KIF21A: variants seen among roughly 807,000 people sequenced by gnomAD.
KIF21A encodes the protein kinesin-like protein KIF21A.
A neutral mutation model predicts 202.9 loss-of-function variants in KIF21A; 114 were observed. The ratio of observed to expected loss-of-function variants is 0.56; its 90% confidence interval spans 0.48 to 0.66. KIF21A has a LOEUF of 0.66. Among genes scored for constraint, KIF21A ranks in the 30% least tolerant of loss-of-function variants. KIF21A has a pLI of 0.00. For synonymous variants in KIF21A, 667 were observed against 670.8 expected, an observed-to-expected ratio of 0.99 and a Z score of 0.09; for missense variants, 1,677 against 1,994.9, an observed-to-expected ratio of 0.84 and a Z score of 3.04.
intron 1 of KIF21A, among the ~76,000 whole-genome samples, chr12:39,418,106 G>A (rs554574818): frequency 2.8e-4 from 43 of 151,592 alleles, no homozygotes; most frequent in Admixed American, 3.9e-4. Flanking sequence ...TACTCATGGC[G>A]CTAAGGCAGG....
At chr12:39,376,844 G>A (rs894265170) in intron 1 of KIF21A, among the ~76,000 whole-genome samples, 1 of 152,064 alleles carries the variant, frequency 6.6e-6, no homozygotes, top group African/African-American at 2.4e-5. Flanking sequence ...CAAGGGATAA[G>A]CCTTTCTTTT....
At chr12:39,318,787 T>C (rs1944864676) in intron 28 of KIF21A, among the ~76,000 whole-genome samples, 1 of 152,116 alleles carries the variant, frequency 6.6e-6, no homozygotes, top group African/African-American at 2.4e-5. Flanking sequence ...GAGAGCATCC[T>C]GGCTAACATG....
At chr12:39,322,943 A>T (rs1482480732) in intron 26 of KIF21A, 61 bp from the exon 27 acceptor site, 1 of 1,267,882 alleles carries the variant, frequency 7.9e-7, no homozygotes, top group African/African-American at 1.5e-5. Flanking sequence ...AGCTGATTAG[A>T]GAACAGAGAT....
intron 36 of KIF21A, among the ~76,000 whole-genome samples, chr12:39,302,513 A>C (rs1264783384): frequency 2.6e-5 from 4 of 152,188 alleles, no homozygotes; most frequent in Non-Finnish European, 4.4e-5. Flanking sequence ...CAACCCAACT[A>C]TCATTTTGTA....
intron 6 of KIF21A, among the ~76,000 whole-genome samples, chr12:39,364,009 C>A (rs1053586512): frequency 6.6e-6 from 1 of 152,150 alleles, no homozygotes; most frequent in African/African-American, 2.4e-5. Flanking sequence ...CAGAGTGAGA[C>A]CCCGCCTCAA....
chr12:39,381,558 T>A (rs1005481489), intron 1 of KIF21A, among the ~76,000 whole-genome samples: 20 of 152,130 alleles, frequency 1.3e-4, no homozygotes, highest in African/African-American at 4.8e-4. Context: ...ATTTTTACCA[T>A]CAAGGAAAAA....
chr12:39,378,633 T>C (rs1184878472), intron 1 of KIF21A, among the ~76,000 whole-genome samples: 2 of 152,154 alleles, frequency 1.3e-5, no homozygotes, highest in African/African-American at 4.8e-5. Context: ...CTATTGATAA[T>C]CCAAGGCCCA....
At position 39,356,915 on chromosome 12, in the gene KIF21A, A is replaced by G; in HGVS notation, c.1406-20T>C. The G allele has an allele frequency of 8.7e-7, 1 of 1,143,764 alleles. No homozygotes were observed. Among genetic ancestry groups the G allele is most frequent in the Non-Finnish European group, 1.3e-6 (1 of 761,880 alleles). 70.9% of individuals were successfully genotyped at this position (1,143,764 alleles called of 1,614,324 possible). On this transcript the variant is annotated intron_variant, in intron 9 of 37. Transcript: ENST00000361418. The stretch of plus-strand genomic sequence containing the variant: ...CTTCACCTGAAAGACAAAATATGAA[A>G]TAAAAATTTTCCTTTAAATTAAGAC...
At chr12:39,418,500 TC>T (rs1234889687) in intron 1 of KIF21A, among the ~76,000 whole-genome samples, 1 of 152,194 alleles carries the variant, frequency 6.6e-6, no homozygotes, top group Non-Finnish European at 1.5e-5. Flanking sequence ...GTTCCTAATA[TC>T]TGATTATGAT....
chr12:39,367,300 T>A (rs1014978230), intron 4 of KIF21A, 136 bp from the exon 5 acceptor site: 33 of 878,506 alleles, frequency 3.8e-5, no homozygotes, highest in Non-Finnish European at 5.3e-5. Flanking sequence ...ATTAGTTCAG[T>A]TACAGGCACT....
chr12:39,367,040 T>G lies in KIF21A; in HGVS notation c.725A>C (p.Gln242Pro), dbSNP rs1682477634. The change falls in exon 5 of 38, where the codon CAA (glutamine) becomes CCA (proline). Residue 242 changes from glutamine to proline, a missense_variant. Coordinates refer to ENST00000361418, the MANE Select transcript of KIF21A (RefSeq NM_001173464.2). ...IHVCQTRVCP[Q>P]IDADNATDNK... The stretch of plus-strand genomic sequence containing the variant: ...GAATTAATAACTCACAGCATCTATT[T>G]GGGGACACACTCTGGTTTGACACAC... 6.2e-7 allele frequency: 1 copy of G among 1,613,576 alleles called. No homozygotes were observed. Among genetic ancestry groups the G allele is most frequent in the Non-Finnish European group, 8.5e-7 (1 of 1,179,502 alleles).
intron 24 of KIF21A, among the ~76,000 whole-genome samples, chr12:39,327,405 G>C (rs909621848): frequency 1.3e-5 from 2 of 152,142 alleles, no homozygotes; most frequent in Non-Finnish European, 2.9e-5. Context: ...TCATTAGAGG[G>C]AGGCTCAAGG....
intron 31 of KIF21A, 174 bp from the exon 32 acceptor site, chr12:39,311,727 G>C: frequency 1.5e-6 from 1 of 655,476 alleles, no homozygotes; most frequent in Non-Finnish European, 2.7e-6. Context: ...TAATAATAGT[G>C]ATGGAGTATA....
intron 1 of KIF21A, among the ~76,000 whole-genome samples, chr12:39,422,333 T>A (rs972729928): frequency 1.3e-5 from 2 of 151,940 alleles, no homozygotes; most frequent in African/African-American, 4.8e-5. Flanking sequence ...AATAGAAAAA[T>A]TTTTTCTACA....
At chr12:39,319,074 T>C (rs568177642) in intron 28 of KIF21A, among the ~76,000 whole-genome samples, 9 of 152,212 alleles carry the variant, frequency 5.9e-5, no homozygotes, top group Middle Eastern at 3.4e-3. Context: ...GGGTAGTGGA[T>C]GGTATAGAAT....
intron 1 of KIF21A, among the ~76,000 whole-genome samples, chr12:39,423,983 CAAAAAAAAAAAAAAAAA>C (rs35526386): frequency 3.9e-5 from 1 of 25,670 alleles, no homozygotes; most frequent in East Asian, 1.7e-3. Flanking sequence ...GACTCTGTCT[CAAAAAAAAAAAAAAAAA>C]AAAAAAAAAA....
At chr12:39,322,926 G>T in intron 26 of KIF21A, 44 bp from the exon 27 acceptor site, 1 of 1,423,026 alleles carries the variant, frequency 7.0e-7, no homozygotes, top group Non-Finnish European at 9.7e-7. Context: ...GCAAACTCTT[G>T]CATAGAAGCT....
rs1555158311 is a variant in KIF21A, at chr12:39,325,509, T to TTTTTA, written c.3456+329_3456+330insTAAAA. On this transcript the variant is annotated intron_variant, in intron 26 of 37. Coordinates refer to ENST00000361418, the MANE Select transcript of KIF21A (RefSeq NM_001173464.2). ...ACCACGCCCAGCTAATTTTTTTTTTTTTTTTTTGTATTTTTAGTAGACACG... is the reference window on the plus strand; with the variant it reads ...ACCACGCCCAGCTAATTTTTTTTTTTTTTTATTTTTTTGTATTTTTAGTAGACACG... 4.7e-3 allele frequency among the ~76,000 whole-genome samples: 696 copies of TTTTTA among 148,908 alleles called. 10 individuals carry two copies. The highest frequency in any genetic ancestry group is 0.016 in the African/African-American group (647 of 39,944).
At chr12:39,386,534 C>G (rs560269984) in intron 1 of KIF21A, among the ~76,000 whole-genome samples, 1 of 152,232 alleles carries the variant, frequency 6.6e-6, no homozygotes, top group African/African-American at 2.4e-5. Context: ...CCTAATAGAA[C>G]CTGTAATATG....
Sources: allele counts gnomAD v4.1 joint callset (sites outside exome capture counted in the v4.1 genomes callset), GRCh38; gene constraint gnomAD v4.1.1; transcripts MANE v1.5; gene names NCBI Gene and HGNC (gene_info 2026-07-23, HGNC 2026-07-21).